Variants in POC1B observed in about 807,000 individuals in gnomAD.
POC1B encodes POC1 centriolar protein homolog B.
A neutral mutation model predicts 60.6 loss-of-function variants in POC1B; 44 were observed. The observed-to-expected ratio is 0.73, with a 90% CI of 0.57 to 0.93. The LOEUF is 0.93. POC1B is among the 40% of genes least tolerant of loss of function. POC1B has a pLI of 0.00. For synonymous variants in POC1B, 180 were observed against 198.9 expected, an observed-to-expected ratio of 0.90 and a Z score of 0.80; for missense variants, 555 against 572.3, an observed-to-expected ratio of 0.97 and a Z score of 0.31.
chr12:89,521,862 C>T (rs1870907129), intron 2 of POC1B: 2 of 397,592 alleles, frequency 5.0e-6, no homozygotes, highest in South Asian at 2.8e-4. Context: ...AGGAGAGTTC[C>T]ACAGCCTTGG....
chr12:89,492,113 C>T lies in POC1B; in HGVS notation c.275G>A (p.Arg92Lys). Residue 92 changes from arginine (R) to lysine (K), a missense_variant and splice_region_variant, in exon 4 of 12, where the codon AGA (arginine) becomes AAA (lysine). Transcript: ENST00000313546. Reference sequence around the variant, plus strand: ...AGCTTTAAATTCTGAGAATTTTCCTCTCCTGGAAATAAACAGTTTAATATT... The same window carrying T: ...AGCTTTAAATTCTGAGAATTTTCCTTTCCTGGAAATAAACAGTTTAATATT... Reference protein sequence around the residue: ...RTVRLWIPDKRGKFSEFKAHT... With the variant: ...RTVRLWIPDKKGKFSEFKAHT... 1.9e-6 allele frequency: 3 copies of T among 1,544,172 alleles called. No homozygotes were observed. The highest frequency in any genetic ancestry group is 1.3e-5 in the South Asian group (1 of 79,514).
chr12:89,432,618 G>A (rs1881084921), intron 10 of POC1B, among the ~76,000 whole-genome samples: 1 of 152,068 alleles, frequency 6.6e-6, no homozygotes, highest in Non-Finnish European at 1.5e-5. Flanking sequence ...TGTAATGCTA[G>A]GTGACAAGGG....
chr12:89,521,937 G>A (rs951635082), intron 2 of POC1B: 1 of 398,722 alleles, frequency 2.5e-6, no homozygotes, highest in Non-Finnish European at 4.4e-6. Flanking sequence ...ACTTCAGAGA[G>A]GCTTCAATTG....
intron 2 of POC1B, among the ~76,000 whole-genome samples, chr12:89,514,706 C>T (rs1435102919): frequency 6.6e-6 from 1 of 152,168 alleles, no homozygotes; most frequent in Non-Finnish European, 1.5e-5. Flanking sequence ...CTGCGCCCGG[C>T]CTCAGGTATT....
intron 10 of POC1B, among the ~76,000 whole-genome samples, chr12:89,446,058 C>T (rs755741726): frequency 2.0e-5 from 3 of 152,148 alleles, no homozygotes; most frequent in Non-Finnish European, 4.4e-5. Flanking sequence ...AATGAGATAC[C>T]ATCTCACACC....
At chr12:89,497,470 G>A (rs1869317278) in intron 2 of POC1B, 128 bp from the exon 3 acceptor site, 2 of 893,296 alleles carry the variant, frequency 2.2e-6, no homozygotes, top group African/African-American at 3.4e-5. Context: ...TTGTAAGGCT[G>A]CCCAGGTAAT....
Position 89,478,913 on chromosome 12 carries a change from TA to T in POC1B, c.453-6639del, listed in dbSNP as rs568247782. Among the ~76,000 whole-genome samples, 447 of 152,314 alleles carry T rather than the reference TA, an allele frequency of 2.9e-3. 3 individuals are homozygous for T. Among genetic ancestry groups the T allele is most frequent in the African/African-American group, 0.011 (439 of 41,580 alleles). On this transcript the variant is annotated intron_variant, in intron 4 of 11. Transcript: ENST00000313546. ...TCTACTTATTTTTTATTAAGAACACTATAAAGAAATGTAAGTTATCCCACAA... is the reference window on the plus strand; with the variant it reads ...TCTACTTATTTTTTATTAAGAACACTTAAAGAAATGTAAGTTATCCCACAA...
At position 89,466,691 on chromosome 12, in the gene POC1B, C is replaced by T. The variant is rs1882695119; in HGVS notation, c.1032+79G>A. On this transcript the variant is annotated intron_variant, in intron 9 of 11. Transcript: ENST00000313546. ...GCAGCACTAGGTTTTATATATAATT[C>T]AGTAATTTCAAACACCTCCTTCAGC... 5.2e-6 allele frequency: 7 copies of T among 1,353,920 alleles called. No homozygotes were observed. The East Asian group carries it at 9.4e-5, about 18-fold the overall frequency. 83.9% of individuals were successfully genotyped at this position (1,353,920 alleles called of 1,614,324 possible). A position where few individuals can be genotyped will look rare whatever the true frequency, so the allele number is the denominator to read the frequency against.
At chr12:89,503,078 T>TCTATCCCTATCC (rs150344164) in intron 2 of POC1B, among the ~76,000 whole-genome samples, 36,403 of 149,636 alleles carry the variant, frequency 0.24, 5,072 homozygotes, top group East Asian at 0.55. Flanking sequence ...AAAAAAGACA[T>TCTATCCCTATCC]CTATCCCTAT....
chr12:89,471,142 C>T (rs1882874024), intron 6 of POC1B, among the ~76,000 whole-genome samples: 1 of 152,142 alleles, frequency 6.6e-6, no homozygotes, highest in South Asian at 2.1e-4. Context: ...ATAGTAAACA[C>T]TGGAAAAGCT....
At chr12:89,453,945 T>C (rs1832721221) in intron 10 of POC1B, among the ~76,000 whole-genome samples, 1 of 152,234 alleles carries the variant, frequency 6.6e-6, no homozygotes, top group Non-Finnish European at 1.5e-5. Flanking sequence ...TATAACCTTT[T>C]TCTTCCTAAA....
intron 4 of POC1B, among the ~76,000 whole-genome samples, chr12:89,473,151 T>C (rs561627468): frequency 6.6e-6 from 1 of 152,346 alleles, no homozygotes; most frequent in South Asian, 2.1e-4. Context: ...TCACAGACTA[T>C]ATTTCAATTT....
intron 10 of POC1B, among the ~76,000 whole-genome samples, chr12:89,457,401 T>G (rs921437761): frequency 6.6e-6 from 1 of 152,240 alleles, no homozygotes; most frequent in Non-Finnish European, 1.5e-5. Context: ...CATTGAAAAT[T>G]TAAAGAAAAG....
At chr12:89,476,751 T>TAGACAGACAGAC (rs765507189) in intron 4 of POC1B, among the ~76,000 whole-genome samples, 19 of 105,026 alleles carry the variant, frequency 1.8e-4, no homozygotes, top group African/African-American at 6.2e-4. Flanking sequence ...GATAGATAGA[T>TAGACAGACAGAC]AGATAGATAG....
At position 89,525,055 on chromosome 12, in the gene POC1B, G is replaced by A. The variant is rs574324284; in HGVS notation, c.100+65C>T. On this transcript the variant is annotated intron_variant, in intron 2 of 11. Transcript: ENST00000313546. ...TCTCCTAGGGACCCTGCCCGGACAG[G>A]AGGAAAGGTTTCCGGCCCATGGAGT... The A allele has an allele frequency of 5.6e-6, 9 of 1,605,342 alleles. No homozygotes were observed. The African/African-American group carries it at 9.4e-5, about 17-fold the overall frequency.
intron 2 of POC1B, among the ~76,000 whole-genome samples, chr12:89,503,104 T>C (rs1869667651): frequency 6.6e-6 from 1 of 152,022 alleles, no homozygotes; most frequent in African/African-American, 2.4e-5. Context: ...TCCCTATCCC[T>C]ATCCCTCTCT....
chr12:89,455,012 T>C (rs1882195509), intron 10 of POC1B, among the ~76,000 whole-genome samples: 1 of 150,178 alleles, frequency 6.7e-6, no homozygotes, highest in African/African-American at 2.5e-5. Flanking sequence ...TTCATATGTG[T>C]TTGATTTCTT....
intron 7 of POC1B, 103 bp from the exon 8 acceptor site, chr12:89,467,788 C>A: frequency 1.3e-6 from 1 of 787,724 alleles, no homozygotes; most frequent in South Asian, 1.8e-5. Context: ...ATGCATACTA[C>A]TCATGCAATA....
chr12:89,487,514 T>C (rs145292388), intron 4 of POC1B, among the ~76,000 whole-genome samples: 201 of 152,254 alleles, frequency 1.3e-3, no homozygotes, highest in African/African-American at 4.6e-3. Flanking sequence ...GTACTTCTTA[T>C]CCTCAGTCCA....
Sources: gnomAD v4.1 joint callset for allele counts (sites outside exome capture counted in the v4.1 genomes callset) on GRCh38, gnomAD v4.1.1 for gene constraint, MANE v1.5 for transcripts, NCBI Gene and HGNC (gene_info 2026-07-23, HGNC 2026-07-21) for gene names.